The following PIAS2 variants were observed in gnomAD, a reference collection of about 807,000 sequenced individuals.
PIAS2 encodes the protein E3 SUMO-protein ligase PIAS2.
A neutral mutation model predicts 69.7 loss-of-function variants in PIAS2; 19 were observed. The ratio of observed to expected loss-of-function variants is 0.27; its 90% CI spans 0.19 to 0.40. The LOEUF (loss-of-function observed/expected upper bound fraction) is 0.40, where lower values mean the gene tolerates loss of function less well. Among genes scored for constraint, PIAS2 ranks in the 10% least tolerant of loss-of-function variants. The pLI is 1.00. For missense variants in PIAS2, 624 were observed against 757.0 expected, an observed-to-expected ratio of 0.82 and a Z score of 2.06; for synonymous variants, 261 against 263.2, an observed-to-expected ratio of 0.99 and a Z score of 0.08.
intron 2 of PIAS2, among the ~76,000 whole-genome samples, chr18:46,881,042 C>A (rs761595347): frequency 1.3e-4 from 20 of 152,116 alleles, no homozygotes; most frequent in Non-Finnish European, 2.6e-4. Flanking sequence ...TAATAATCAC[C>A]AGTGATGCTT....
chr18:46,858,787 TTGA>T (rs1464096643), intron 3 of PIAS2, among the ~76,000 whole-genome samples: 1 of 152,076 alleles, frequency 6.6e-6, no homozygotes, highest in African/African-American at 2.4e-5. Flanking sequence ...ATGGTAAGAC[TTGA>T]TGAATGACTA....
chr18:46,851,103 G>C (rs764258270), intron 5 of PIAS2, among the ~76,000 whole-genome samples: 1 of 152,096 alleles, frequency 6.6e-6, no homozygotes, highest in African/African-American at 2.4e-5. Context: ...AAGAAATGTT[G>C]AGTTTATGTC....
At chr18:46,870,120 C>G (rs1270435462) in intron 2 of PIAS2, among the ~76,000 whole-genome samples, 1 of 152,104 alleles carries the variant, frequency 6.6e-6, no homozygotes, top group African/African-American at 2.4e-5. Flanking sequence ...TCCCTAACCA[C>G]ACGTCTGAGT....
intron 12 of PIAS2, chr18:46,818,418 CATT>C: frequency 6.3e-7 from 1 of 1,583,018 alleles, no homozygotes; most frequent in Non-Finnish European, 8.6e-7. Flanking sequence ...AGCTTCAGTT[CATT>C]ATTAATATCA....
chr18:46,804,826 T>TACAATGCCTGGC lies in PIAS2; in HGVS notation c.*7595_*7606dup, dbSNP rs1358139211. ...CCTGCCTTGTGTTCCAAGTGCCTGATACAATGCCTGGCACCTAATATAATC... is the reference window on the plus strand; with the variant it reads ...CCTGCCTTGTGTTCCAAGTGCCTGATACAATGCCTGGCACAATGCCTGGCACCTAATATAATC... On this transcript the variant is annotated 3_prime_UTR_variant, in exon 14 of 14. Coordinates refer to ENST00000585916, the MANE Select transcript of PIAS2 (RefSeq NM_004671.5). The TACAATGCCTGGC allele has an allele frequency of 8.5e-5, 13 of 152,240 alleles. No individual in the cohort carries two copies. Among genetic ancestry groups the TACAATGCCTGGC allele is most frequent in the African/African-American group, 3.1e-4 (13 of 41,454 alleles). The allele number at this position is 152,240 out of a possible 1,614,324, so 9.4% of individuals were successfully genotyped here.
rs951245477 is a variant in PIAS2 at position 46,806,305 on chromosome 18, T to C, written c.*6128A>G. On this transcript the variant is annotated 3_prime_UTR_variant, in exon 14 of 14. Transcript: ENST00000585916. ...AACACCACTTTCCTCTGAGAAGCCA[T>C]TGCAAGAATGAGACATTCTTGGAAA... 1.3e-5 allele frequency: 2 copies of C among 149,442 alleles called. No individual in the cohort carries two copies. The highest frequency in any genetic ancestry group is 2.4e-5 in the African/African-American group (1 of 40,824). 9.3% of individuals were successfully genotyped at this position (149,442 alleles called of 1,614,324 possible). A position where few individuals can be genotyped will look rare whatever the true frequency, so the allele number is the denominator to read the frequency against.
chr18:46,870,680 T>C (rs1164732469), intron 2 of PIAS2, among the ~76,000 whole-genome samples: 1 of 134,376 alleles, frequency 7.4e-6, no homozygotes, highest in Non-Finnish European at 1.6e-5. Flanking sequence ...CCATGTGGGG[T>C]AGCAGATCAA....
intron 12 of PIAS2, 70 bp downstream of exon 12, chr18:46,820,863 C>T (rs2042093826): frequency 6.9e-7 from 1 of 1,459,224 alleles, no homozygotes; most frequent in Admixed American, 2.0e-5. Context: ...ACTATACTGG[C>T]TTCACAGATT....
intron 2 of PIAS2, among the ~76,000 whole-genome samples, chr18:46,886,902 A>C (rs2053299892): frequency 6.6e-6 from 1 of 152,208 alleles, no homozygotes; most frequent in South Asian, 2.1e-4. Context: ...TACTAATTTT[A>C]AAAATAAAAA....
chr18:46,876,864 A>G (rs2051293393), intron 2 of PIAS2, among the ~76,000 whole-genome samples: 1 of 150,916 alleles, frequency 6.6e-6, no homozygotes, highest in South Asian at 2.1e-4. Flanking sequence ...GCCCAGCTAA[A>G]TTTTTTTTTG....
intron 3 of PIAS2, among the ~76,000 whole-genome samples, chr18:46,861,798 T>C (rs763850693): frequency 6.6e-5 from 10 of 151,770 alleles, no homozygotes; most frequent in Non-Finnish European, 1.5e-4. Context: ...TGAAGCAGAG[T>C]AGGATGACTC....
chr18:46,846,576 T>C, intron 6 of PIAS2, 131 bp downstream of exon 6: 1 of 906,312 alleles, frequency 1.1e-6, no homozygotes, highest in Non-Finnish European at 1.6e-6. Context: ...ACCTCTAAAC[T>C]GAAAATTACT....
chr18:46,854,569 T>C (rs55925238), intron 5 of PIAS2, among the ~76,000 whole-genome samples: 1 of 152,212 alleles, frequency 6.6e-6, no homozygotes, highest in Non-Finnish European at 1.5e-5. Flanking sequence ...GTTCTACATT[T>C]ATTATTTTAT....
At position 46,811,549 on chromosome 18, in the gene PIAS2, T is replaced by C. The variant is rs751411463; in HGVS notation, c.*884A>G. The C allele has an allele frequency of 2.1e-4, 32 of 152,240 alleles. No homozygotes were observed. Among genetic ancestry groups the C allele is most frequent in the Non-Finnish European group, 3.5e-4 (24 of 68,046 alleles). The allele number at this position is 152,240 out of a possible 1,614,324, so 9.4% of individuals were successfully genotyped here. A position where few individuals can be genotyped will look rare whatever the true frequency, so the allele number is the denominator to read the frequency against. On this transcript the variant is annotated 3_prime_UTR_variant, in exon 14 of 14. Coordinates refer to ENST00000585916, the MANE Select transcript of PIAS2 (RefSeq NM_004671.5). ...ATATTTGATAGTGTGAACAAATTTC[T>C]AACAAACATTCCAGTCACACCGTAC...
intron 11 of PIAS2, among the ~76,000 whole-genome samples, chr18:46,823,359 A>G (rs1038204681): frequency 2.0e-5 from 3 of 151,858 alleles, no homozygotes; most frequent in African/African-American, 4.8e-5. Flanking sequence ...TTCCTTTGCT[A>G]TTTCACACTG....
chr18:46,884,253 T>C (rs903755336), intron 2 of PIAS2, among the ~76,000 whole-genome samples: 3 of 152,108 alleles, frequency 2.0e-5, no homozygotes, highest in African/African-American at 4.8e-5. Context: ...TTTATACAGA[T>C]AGAATACAGA....
chr18:46,865,310 C>T (rs1233366556), intron 2 of PIAS2, among the ~76,000 whole-genome samples: 2 of 152,026 alleles, frequency 1.3e-5, no homozygotes, highest in East Asian at 1.9e-4. Context: ...GAGGCCGAGG[C>T]AGGTGGATTA....
In PIAS2 at chr18:46,807,384, T is replaced by TATATATATATATATATA. The variant is rs1491456025; in HGVS notation, c.*5048_*5049insTATATATATATATATAT. On this transcript the variant is annotated 3_prime_UTR_variant, in exon 14 of 14. Transcript: ENST00000585916. ...ATATATATATATATATATATATATA[T>TATATATATATATATATA]TTTTTTTTTTTTTTTTTTTTTTTTT... is the stretch of plus-strand genomic sequence containing the variant. 1.3e-3 allele frequency: 24 copies of TATATATATATATATATA among 18,608 alleles called. No individual in the cohort carries two copies. The highest frequency in any genetic ancestry group is 2.0e-3 in the Non-Finnish European group (19 of 9,724). 1.2% of individuals were successfully genotyped at this position (18,608 alleles called of 1,614,324 possible).
At chr18:46,841,713 A>G (rs1454466117) in intron 8 of PIAS2, among the ~76,000 whole-genome samples, 1 of 152,240 alleles carries the variant, frequency 6.6e-6, no homozygotes, top group African/African-American at 2.4e-5. Flanking sequence ...GAAAAGCTCA[A>G]AAGACAGTCT....
Sources: allele counts gnomAD v4.1 joint callset (sites outside exome capture counted in the v4.1 genomes callset), GRCh38; gene constraint gnomAD v4.1.1; transcripts MANE v1.5; gene names NCBI Gene and HGNC (gene_info 2026-07-23, HGNC 2026-07-21).